The following PCDHGA10 variants were observed in gnomAD, a reference collection of about 807,000 sequenced individuals.
The protein encoded by PCDHGA10 is protocadherin gamma-A10.
Under a neutral mutation model 59.5 loss-of-function variants are expected in PCDHGA10, and 42 were observed. The observed-to-expected ratio is 0.71, with a 90% CI of 0.55 to 0.91. The LOEUF is 0.91. Ranked by LOEUF, PCDHGA10 falls within the 40% of genes least tolerant of loss-of-function variation. The pLI, the probability that PCDHGA10 is intolerant of heterozygous loss-of-function variation, is 0.00. For synonymous variants in PCDHGA10, 511 were observed against 517.2 expected (o/e 0.99, Z 0.16); for missense variants, 1,111 against 1,198.2 (o/e 0.93, Z 1.07).
Position 141,414,875 on chromosome 5 carries a change from T to G in PCDHGA10, c.1700T>G (p.Leu567Arg). The G allele has an allele frequency of 6.2e-7, 1 of 1,614,196 alleles. No homozygotes were observed. Among genetic ancestry groups the G allele is most frequent in the Non-Finnish European group, 8.5e-7 (1 of 1,180,022 alleles). Reference sequence around the variant, plus strand: ...CAGAACGACAATGCGCCCGAGATCCTGTACCCCGCCCTCCCCACAGACGGT... The same window carrying G: ...CAGAACGACAATGCGCCCGAGATCCGGTACCCCGCCCTCCCCACAGACGGT... ...LDQNDNAPEI[L>R]YPALPTDGST... Residue 567 changes from leucine to arginine, a missense_variant, in exon 1 of 4, where the codon CTG (leucine) becomes CGG (arginine). By Grantham distance (102) the Leu-to-Arg change is moderately radical. Coordinates refer to ENST00000398610, the MANE Select transcript of PCDHGA10 (RefSeq NM_018913.3).
chr5:141,457,949 C>G (rs2098933653), intron 1 of PCDHGA10, among the ~76,000 whole-genome samples: 1 of 152,192 alleles, frequency 6.6e-6, no homozygotes. Flanking sequence ...CTCTGCATGT[C>G]AAGCTTGATT....
intron 1 of PCDHGA10, among the ~76,000 whole-genome samples, chr5:141,483,679 CAGAA>C (rs1470395939): frequency 6.7e-6 from 1 of 149,028 alleles, no homozygotes; most frequent in Non-Finnish European, 1.5e-5. Flanking sequence ...TAAAAGAACA[CAGAA>C]AGCCAGATTC....
Position 141,476,383 on chromosome 5 carries a change from C to G in PCDHGA10, c.2437-18424C>G, listed in dbSNP as rs547854431. ...GGGAGACCGGAGAGATGTTTGTGAACGACCGTCTGGATCGAGAGGAGCTGT... is the reference window on the plus strand; with the variant it reads ...GGGAGACCGGAGAGATGTTTGTGAAGGACCGTCTGGATCGAGAGGAGCTGT... On this transcript the variant is annotated intron_variant, in intron 1 of 3. Transcript: ENST00000398610. The surrounding 1 kb of genome is among the most constrained non-coding windows in gnomAD (Gnocchi z 7.6). 1.2e-6 allele frequency: 2 copies of G among 1,614,102 alleles called. No homozygotes were observed. Among genetic ancestry groups the G allele is most frequent in the Middle Eastern group, 3.3e-4 (2 of 6,062 alleles).
intron 1 of PCDHGA10, among the ~76,000 whole-genome samples, chr5:141,425,485 A>G (rs2096878362): frequency 6.6e-6 from 1 of 152,274 alleles, no homozygotes; most frequent in Non-Finnish European, 1.5e-5. Context: ...ATGGCAACCT[A>G]CTAGGCTATA....
chr5:141,431,884 T>A lies in PCDHGA10; in HGVS notation c.2436+16273T>A. ...CCCTTTTAAATGTAAATGACCAAGA[T>A]TCTGAGGAAAACGGACAGGTGATCT... On this transcript the variant is annotated intron_variant, in intron 1 of 3. Transcript: ENST00000398610. This position sits in a 1 kb window ranked among gnomAD's most constrained non-coding sequence, Gnocchi z 4.8. 1.2e-6 allele frequency: 2 copies of A among 1,614,218 alleles called. No individual in the cohort carries two copies. Among genetic ancestry groups the A allele is most frequent in the Non-Finnish European group, 1.7e-6 (2 of 1,180,008 alleles).
Position 141,487,341 on chromosome 5 carries a change from TC to T in PCDHGA10, c.2437-7465del, listed in dbSNP as rs778559139. Reference sequence around the variant, plus strand: ...TGTCTTCGTGGGGCAGCCTGTGGAGTCACATGCTTTCCTGCTGGCACCTGTG... The same window carrying T: ...TGTCTTCGTGGGGCAGCCTGTGGAGTACATGCTTTCCTGCTGGCACCTGTG... On this transcript the variant is annotated intron_variant, in intron 1 of 3. Transcript: ENST00000398610. This position sits in a 1 kb window ranked among gnomAD's most constrained non-coding sequence, Gnocchi z 5.0. 1 of 1,614,012 alleles carries T rather than the reference TC, an allele frequency of 6.2e-7. No homozygotes were observed. The highest frequency in any genetic ancestry group is 1.1e-5 in the South Asian group (1 of 91,074).
At chr5:141,478,567 C>A in intron 1 of PCDHGA10, 1 of 1,593,812 alleles carries the variant, frequency 6.3e-7, no homozygotes, top group Non-Finnish European at 8.6e-7. Flanking sequence ...GCAAGTCATG[C>A]TTGACCCTGT....
intron 1 of PCDHGA10, among the ~76,000 whole-genome samples, chr5:141,443,771 A>G (rs1031470429): frequency 9.2e-5 from 14 of 152,238 alleles, no homozygotes; most frequent in African/African-American, 3.1e-4. Context: ...ATACAATATT[A>G]CCAAAAAGAC....
At position 141,476,719 on chromosome 5, in the gene PCDHGA10, C is replaced by T; in HGVS notation, c.2437-18088C>T. ...ACGCGGAGCTGGTGTTGGAGCGCGC[C>T]CTGGACCGAGAACGGGAGCCTAGTC... On this transcript the variant is annotated intron_variant, in intron 1 of 3. Coordinates refer to ENST00000398610, the MANE Select transcript of PCDHGA10 (RefSeq NM_018913.3). The surrounding 1 kb of genome is among the most constrained non-coding windows in gnomAD (Gnocchi z 7.6). The T allele has an allele frequency of 6.2e-7, 1 of 1,614,154 alleles. No homozygotes were observed.
At chr5:141,422,292 T>C in intron 1 of PCDHGA10, 1 of 1,552,434 alleles carries the variant, frequency 6.4e-7, no homozygotes. Context: ...CTTCTATTAA[T>C]TCAATTCTGG....
At chr5:141,422,399 T>C in intron 1 of PCDHGA10, 3 of 1,598,374 alleles carry the variant, frequency 1.9e-6, no homozygotes, top group Non-Finnish European at 2.6e-6. Context: ...CCTAACCACC[T>C]GCCTTTTAAA....
At chr5:141,428,020 C>T (rs1443722620) in intron 1 of PCDHGA10, 1 of 1,605,408 alleles carries the variant, frequency 6.2e-7, no homozygotes, top group Admixed American at 1.7e-5. Context: ...GTGCCACGCG[C>T]CGCAGAGTCC....
intron 1 of PCDHGA10, among the ~76,000 whole-genome samples, chr5:141,462,264 G>A (rs966953621): frequency 1.3e-5 from 2 of 152,174 alleles, no homozygotes; most frequent in African/African-American, 4.8e-5. Context: ...CCAGCCTAAA[G>A]TGTATTGTTT....
chr5:141,435,542 A>C (rs1402711516), intron 1 of PCDHGA10, among the ~76,000 whole-genome samples: 1 of 152,146 alleles, frequency 6.6e-6, no homozygotes, highest in Non-Finnish European at 1.5e-5. Flanking sequence ...GAATTAACAA[A>C]ATGTGTTTTG....
At chr5:141,428,082 G>C (rs776612130) in intron 1 of PCDHGA10, 2 of 1,609,030 alleles carry the variant, frequency 1.2e-6, no homozygotes, top group Non-Finnish European at 8.5e-7. Flanking sequence ...GGGACACAAC[G>C]CTTGGCTGTC....
At chr5:141,436,318 CTG>C (rs1309397202) in intron 1 of PCDHGA10, among the ~76,000 whole-genome samples, 1 of 152,154 alleles carries the variant, frequency 6.6e-6, no homozygotes, top group Non-Finnish European at 1.5e-5. Flanking sequence ...ATAGTCAAGA[CTG>C]TTAGACCATA....
chr5:141,467,055 C>CTT (rs1193465269), intron 1 of PCDHGA10, among the ~76,000 whole-genome samples: 5 of 134,496 alleles, frequency 3.7e-5, no homozygotes, highest in African/African-American at 5.4e-5. Context: ...TCAATGTTTT[C>CTT]TTTTTTTTTT....
intron 1 of PCDHGA10, chr5:141,418,561 T>C: frequency 1.2e-6 from 2 of 1,614,006 alleles, no homozygotes; most frequent in Non-Finnish European, 1.7e-6. Context: ...TGGTAATAGA[T>C]GCCAATGACA....
At position 141,489,297 on chromosome 5, in the gene PCDHGA10, G is replaced by A. The variant is rs184934961; in HGVS notation, c.2437-5510G>A. 5.1e-6 allele frequency: 8 copies of A among 1,583,774 alleles called. No homozygotes were observed. Among genetic ancestry groups the A allele is most frequent in the Non-Finnish European group, 6.9e-6 (8 of 1,164,904 alleles). ...GGAAATGGCAAGTGCTGTGCATGTT[G>A]TCCTTGTGCTGCTGGGGCTGGGTGT... is the stretch of plus-strand genomic sequence containing the variant. On this transcript the variant is annotated intron_variant, in intron 1 of 3. Coordinates refer to ENST00000398610, the MANE Select transcript of PCDHGA10 (RefSeq NM_018913.3). This position sits in a 1 kb window ranked among gnomAD's most constrained non-coding sequence, Gnocchi z 4.5.
Sources: gnomAD v4.1 joint callset for allele counts (sites outside exome capture counted in the v4.1 genomes callset) on GRCh38, gnomAD v4.1.1 for gene constraint, Gnocchi (gnomAD v3.1) non-coding constraint, MANE v1.5 for transcripts, NCBI Gene and HGNC (gene_info 2026-07-23, HGNC 2026-07-21) for gene names.